The following ASB2 variants were observed in gnomAD, a reference collection of about 807,000 sequenced individuals.
ASB2 encodes ankyrin repeat and SOCS box protein 2.
In ASB2, 58 loss-of-function variants were observed where a neutral mutation model predicts 62.4. The ratio of observed to expected loss-of-function variants is 0.93; its 90% CI spans 0.75 to 1.16. The LOEUF is 1.16. ASB2 is among the 50% of genes most tolerant of loss of function. The pLI is 0.00. For synonymous variants in ASB2, 386 were observed against 385.3 expected, an observed-to-expected ratio of 1.00 and a Z score of -0.02; for missense variants, 928 against 887.9, an observed-to-expected ratio of 1.05 and a Z score of -0.57.
chr14:93,954,933 G>GA (rs138190444), intron 3 of ASB2, among the ~76,000 whole-genome samples: 3,902 of 151,760 alleles, frequency 0.026, 81 homozygotes, highest in Non-Finnish European at 0.039. Flanking sequence ...TCCAGCTGCA[G>GA]AAAAAAAATA....
intron 1 of ASB2, among the ~76,000 whole-genome samples, chr14:93,966,359 GT>G (rs1889591280): frequency 6.6e-6 from 1 of 152,242 alleles, no homozygotes; most frequent in Admixed American, 6.5e-5. Flanking sequence ...CTGTAGCCTA[GT>G]TTTATCCAAA....
chr14:93,953,869 A>C (rs941216887), intron 4 of ASB2, among the ~76,000 whole-genome samples: 3 of 152,126 alleles, frequency 2.0e-5, no homozygotes, highest in African/African-American at 7.2e-5. Context: ...GGCAGAGGTG[A>C]CACCTGCCTG....
Position 93,964,574 on chromosome 14 carries a change from A to G in ASB2, c.-35T>C. ...CCTCTCACCCTGGCCTCCAGAACAG[A>G]CACCCAGTGGGGAGGAGGGAACAGC... is the stretch of plus-strand genomic sequence containing the variant. On this transcript the variant is annotated 5_prime_UTR_variant, in exon 2 of 10. Transcript: ENST00000555019. The G allele has an allele frequency of 6.5e-6, 10 of 1,529,592 alleles. No individual in the cohort carries two copies. The highest frequency in any genetic ancestry group is 8.8e-6 in the Non-Finnish European group (10 of 1,141,150). The allele number at this position is 1,529,592 out of a possible 1,614,324, so 94.8% of individuals were successfully genotyped here. A position where few individuals can be genotyped will look rare whatever the true frequency, so the allele number is the denominator to read the frequency against.
At chr14:93,943,005 G>A (rs974202856) in intron 7 of ASB2, among the ~76,000 whole-genome samples, 2 of 152,104 alleles carry the variant, frequency 1.3e-5, no homozygotes, top group African/African-American at 4.8e-5. Context: ...ATTTAAAGTG[G>A]TCCTCACATT....
chr14:93,944,945 A>G (rs1416685631), intron 7 of ASB2, among the ~76,000 whole-genome samples: 1 of 152,216 alleles, frequency 6.6e-6, no homozygotes, highest in Non-Finnish European at 1.5e-5. Context: ...GCCCAGATGA[A>G]GGTCCCAGCC....
intron 1 of ASB2, among the ~76,000 whole-genome samples, chr14:93,970,243 G>A (rs936311015): frequency 6.6e-6 from 1 of 152,204 alleles, no homozygotes; most frequent in Non-Finnish European, 1.5e-5. Flanking sequence ...CAAGAAGGAG[G>A]CTGGCAGCCA....
rs754929863 is a variant in ASB2 at position 93,954,394 on chromosome 14, G to C, written c.401C>G (p.Pro134Arg). Residue 134 changes from proline to arginine, a missense_variant, in exon 4 of 10, where the codon CCC (proline) becomes CGC (arginine). By Grantham distance (103) the Pro-to-Arg change is moderately radical. Transcript: ENST00000555019. ...MIKEGKNLAE[P>R]NKEGWLPLHE... ...CAGCGGCAGCCAGCCCTCCTTGTTGGGCTCTGCGAGATTCTTCCCTTCCTT... is the reference window on the plus strand; with the variant it reads ...CAGCGGCAGCCAGCCCTCCTTGTTGCGCTCTGCGAGATTCTTCCCTTCCTT... 1 of 1,614,032 alleles carries C rather than the reference G, an allele frequency of 6.2e-7. No individual in the cohort carries two copies. The highest frequency in any genetic ancestry group is 1.7e-5 in the Admixed American group (1 of 60,022).
chr14:93,935,856 C>A (rs1888255271), intron 9 of ASB2, among the ~76,000 whole-genome samples: 1 of 152,228 alleles, frequency 6.6e-6, no homozygotes, highest in African/African-American at 2.4e-5. Flanking sequence ...AAGCATCATT[C>A]CTGTTGCCCG....
At chr14:93,935,457 G>A (rs1042369618) in intron 9 of ASB2, among the ~76,000 whole-genome samples, 3 of 136,918 alleles carry the variant, frequency 2.2e-5, no homozygotes, top group Admixed American at 7.2e-5. Context: ...TTCACCAGGC[G>A]AATGCTGAGC....
At chr14:93,944,834 G>C (rs1419432933) in intron 7 of ASB2, among the ~76,000 whole-genome samples, 1 of 152,200 alleles carries the variant, frequency 6.6e-6, no homozygotes, top group African/African-American at 2.4e-5. Context: ...CAGGCAGGAC[G>C]CGCCTTACTC....
rs1341720310 is a variant in ASB2 at position 93,947,485 on chromosome 14, A to T, written c.916T>A (p.Ser306Thr). ...DINTQASDNA[S>T]ALYEACKNEH... ...TTCTTGCAGGCCTCGTAGAGGGCAG[A>T]CGCGTTGTCGCTGGCCTGCGTGTTG... Residue 306 changes from serine (S) to threonine (T), a missense_variant, in exon 7 of 10, where the codon TCT becomes ACT. Transcript: ENST00000555019. The T allele has an allele frequency of 6.2e-7, 1 of 1,614,192 alleles. No individual in the cohort carries two copies. Among genetic ancestry groups the T allele is most frequent in the Non-Finnish European group, 8.5e-7 (1 of 1,180,052 alleles).
chr14:93,964,412 G>A lies in ASB2; in HGVS notation c.128C>T (p.Thr43Ile), dbSNP rs1261885852. Residue 43 changes from threonine to isoleucine, a missense_variant, in exon 2 of 10, where the codon ACA becomes ATA. Thr to Ile is a moderately conservative substitution (Grantham distance 89). Coordinates refer to ENST00000555019, the MANE Select transcript of ASB2 (RefSeq NM_001202429.2). ...GGCCTCAGCAGTGGTTGGGCCCCTT[G>A]TCTTGTCCGCTAGGCTCTGCTCGAT... is the stretch of plus-strand genomic sequence containing the variant. ...MAIEQSLADK[T>I]RGPTTAEATA... 3 of 1,536,120 alleles carry A rather than the reference G, an allele frequency of 2.0e-6. No individual in the cohort carries two copies. The highest frequency in any genetic ancestry group is 2.7e-5 in the African/African-American group (2 of 73,152).
rs1169426071 is a variant in ASB2 at position 93,973,565 on chromosome 14, C to T, written c.-74+2869G>A. The stretch of plus-strand genomic sequence containing the variant: ...CCCACACCACCAGCTAAGAAAAGCA[C>T]CCACAAAAGTCAAGCTTCCAGTTTA... On this transcript the variant is annotated intron_variant, in intron 1 of 9. Transcript: ENST00000555019. 3.9e-5 allele frequency among the ~76,000 whole-genome samples: 6 copies of T among 152,334 alleles called. No homozygotes were observed. In the South Asian group the frequency reaches 1.0e-3, roughly 26 times the overall value.
chr14:93,957,469 C>A, intron 2 of ASB2: 4 of 867,844 alleles, frequency 4.6e-6, no homozygotes, highest in Non-Finnish European at 5.5e-6. Flanking sequence ...GGAACCAGGG[C>A]TGCAGTCAGA....
intron 3 of ASB2, 147 bp from the exon 4 acceptor site, chr14:93,954,630 G>A: frequency 1.5e-6 from 1 of 682,588 alleles, no homozygotes. Context: ...CAGCCCAGTG[G>A]CTGCAAGAGG....
rs368073287 is a variant in ASB2, at chr14:93,954,297, C to G, written c.478+20G>C. 1.9e-6 allele frequency: 3 copies of G among 1,606,910 alleles called. No homozygotes were observed. In the South Asian group the frequency reaches 3.3e-5, roughly 18 times the overall value. ...TAGTCCCTTTCCCACCTCTTGCCAC[C>G]GTCAGAGCCCAGCCCTCACCTCGCT... On this transcript the variant is annotated intron_variant, in intron 4 of 9. Transcript: ENST00000555019.
Position 93,939,451 on chromosome 14 carries a change from T to G in ASB2, c.1274A>C (p.Tyr425Ser). 6 of 1,612,498 alleles carry G rather than the reference T, an allele frequency of 3.7e-6. No homozygotes were observed. The highest frequency in any genetic ancestry group is 4.2e-6 in the Non-Finnish European group (5 of 1,179,770). The change falls in exon 8 of 10, where the codon TAC (tyrosine) becomes TCC (serine). Residue 425 changes from tyrosine to serine, a missense_variant. Physicochemically the swap from Tyr to Ser is moderately radical, Grantham distance 144. Transcript: ENST00000555019. ...LYFAVVNNNV[Y>S]ATELLLQHGA... ...GTGTTGCAGCAGCAGCTCGGTGGCGTACACGTTGTTGTTGACCACCGCGAA... is the reference window on the plus strand; with the variant it reads ...GTGTTGCAGCAGCAGCTCGGTGGCGGACACGTTGTTGTTGACCACCGCGAA...
In ASB2 at chr14:93,956,629, G is replaced by A. The variant is rs1374370632; in HGVS notation, c.311+137C>T. The A allele has an allele frequency of 2.5e-6, 3 of 1,185,702 alleles. No homozygotes were observed. In the East Asian group the frequency reaches 7.5e-5, roughly 30 times the overall value. 73.4% of individuals were successfully genotyped at this position (1,185,702 alleles called of 1,614,324 possible). A position where few individuals can be genotyped will look rare whatever the true frequency, so the allele number is the denominator to read the frequency against. ...GTGGGGCCCCAGGGGGGCACCCCTA[G>A]AAGGAGCGTGCCTGGCAGGTGCCTC... On this transcript the variant is annotated intron_variant, in intron 3 of 9. Coordinates refer to ENST00000555019, the MANE Select transcript of ASB2 (RefSeq NM_001202429.2).
intron 2 of ASB2, among the ~76,000 whole-genome samples, chr14:93,960,174 T>A (rs2091508497): frequency 6.6e-6 from 1 of 152,250 alleles, no homozygotes; most frequent in South Asian, 2.1e-4. Flanking sequence ...CAAAGAGGCT[T>A]GCTTCCTCTA....
Sources: allele counts gnomAD v4.1 joint callset (sites outside exome capture counted in the v4.1 genomes callset), GRCh38; gene constraint gnomAD v4.1.1; transcripts MANE v1.5; gene names NCBI Gene and HGNC (gene_info 2026-07-23, HGNC 2026-07-21).